The following CEP112 variants were observed in gnomAD, a reference collection of about 807,000 sequenced individuals.
The protein encoded by CEP112 is centrosomal protein 112, also known as centrosomal protein of 112 kDa.
CEP112 carries 127 observed loss-of-function variants against 153.0 expected under a neutral mutation model. The ratio of observed to expected loss-of-function variants is 0.83; its 90% CI spans 0.72 to 0.96. The LOEUF is 0.96. Among genes scored for constraint, CEP112 ranks in the 40% least tolerant of loss-of-function variants. The pLI is 0.00. For missense variants in CEP112, 1,089 were observed against 1,101.2 expected, an observed-to-expected ratio of 0.99 and a Z score of 0.16; for synonymous variants, 358 against 374.4, an observed-to-expected ratio of 0.96 and a Z score of 0.51.
At chr17:65,652,258 CTG>C (rs2143635839) in intron 24 of CEP112, among the ~76,000 whole-genome samples, 1 of 151,946 alleles carries the variant, frequency 6.6e-6, no homozygotes, top group South Asian at 2.1e-4. Flanking sequence ...GATACTGAAA[CTG>C]GGGTATCTGG....
At chr17:65,691,001 G>A (rs147912685) in intron 23 of CEP112, among the ~76,000 whole-genome samples, 6 of 152,232 alleles carry the variant, frequency 3.9e-5, no homozygotes, top group Non-Finnish European at 8.8e-5. Flanking sequence ...GATGGAGAGC[G>A]GGGCCAGGTG....
intron 19 of CEP112, among the ~76,000 whole-genome samples, chr17:65,909,011 G>C (rs1178925994): frequency 6.6e-6 from 1 of 152,180 alleles, no homozygotes; most frequent in Non-Finnish European, 1.5e-5. Flanking sequence ...TGAAATTAGT[G>C]CTAGCAAATA....
At chr17:65,648,591 A>G (rs4791147) in intron 24 of CEP112, among the ~76,000 whole-genome samples, 68,056 of 152,092 alleles carry the variant, frequency 0.45, 15,536 homozygotes, top group Middle Eastern at 0.56. Context: ...ATTTGCATAA[A>G]TAATAGACTA....
chr17:65,826,035 TCTC>T (rs2056822900), intron 21 of CEP112: 2 of 1,153,470 alleles, frequency 1.7e-6, no homozygotes, highest in African/African-American at 3.1e-5. Context: ...TCAAAATTCA[TCTC>T]CTTGAGATGA....
intron 24 of CEP112, among the ~76,000 whole-genome samples, chr17:65,669,431 A>T (rs2046855829): frequency 6.6e-6 from 1 of 152,202 alleles, no homozygotes; most frequent in South Asian, 2.1e-4. Context: ...TAACAATTTG[A>T]GAATCACCAC....
intron 23 of CEP112, among the ~76,000 whole-genome samples, chr17:65,722,192 T>A (rs1356310965): frequency 6.6e-6 from 1 of 152,084 alleles, no homozygotes; most frequent in African/African-American, 2.4e-5. Flanking sequence ...AGATTTTCAT[T>A]TTTGAAGTGG....
intron 17 of CEP112, among the ~76,000 whole-genome samples, chr17:65,963,157 T>G (rs547710659): frequency 6.6e-6 from 1 of 152,176 alleles, no homozygotes; most frequent in East Asian, 1.9e-4. Flanking sequence ...CACACTGCTT[T>G]CCTGATCTTC....
chr17:66,045,619 G>C (rs979770645), intron 12 of CEP112, among the ~76,000 whole-genome samples: 5 of 152,136 alleles, frequency 3.3e-5, no homozygotes, highest in Non-Finnish European at 5.9e-5. Flanking sequence ...GAAAAATACA[G>C]AATATGTTAG....
At chr17:66,187,082 T>C (rs747829272) in intron 1 of CEP112, among the ~76,000 whole-genome samples, 1 of 152,170 alleles carries the variant, frequency 6.6e-6, no homozygotes, top group African/African-American at 2.4e-5. Context: ...CTGAGAAATA[T>C]CTCAAAATCT....
At chr17:65,880,274 TCTTAC>T (rs1157559206) in intron 20 of CEP112, among the ~76,000 whole-genome samples, 2 of 152,208 alleles carry the variant, frequency 1.3e-5, no homozygotes, top group Non-Finnish European at 2.9e-5. Context: ...TGATTTCCAA[TCTTAC>T]CTTATTTTTT....
At chr17:65,726,730 A>G (rs1468599441) in intron 23 of CEP112, among the ~76,000 whole-genome samples, 2 of 152,212 alleles carry the variant, frequency 1.3e-5, no homozygotes, top group African/African-American at 4.8e-5. Flanking sequence ...ATAAAATAAA[A>G]AATGGAAAGT....
chr17:66,166,485 T>C (rs2071963680), intron 4 of CEP112, among the ~76,000 whole-genome samples: 1 of 152,126 alleles, frequency 6.6e-6, no homozygotes, highest in South Asian at 2.1e-4. Context: ...CTACAAGCCA[T>C]TAACAAGAAG....
chr17:66,113,179 T>C (rs1431864709), intron 6 of CEP112, among the ~76,000 whole-genome samples: 1 of 126,398 alleles, frequency 7.9e-6, no homozygotes, highest in Admixed American at 7.2e-5. Context: ...GCAAAGTACA[T>C]GCAATTAAAT....
rs536701660 is a variant in CEP112 at position 66,142,363 on chromosome 17, C to T, written c.471-9600G>A. On this transcript the variant is annotated intron_variant, in intron 4 of 26. Transcript: ENST00000535342. Reference sequence around the variant, plus strand: ...AGGAGATTTTTAAGTTGATAAAATCCCATTTGTCTATCTTTGCTTTAGTTG... The same window carrying T: ...AGGAGATTTTTAAGTTGATAAAATCTCATTTGTCTATCTTTGCTTTAGTTG... 7.9e-5 allele frequency among the ~76,000 whole-genome samples: 12 copies of T among 152,146 alleles called. No individual in the cohort carries two copies. In the South Asian group the frequency reaches 2.3e-3, roughly 29 times the overall value.
intron 6 of CEP112, among the ~76,000 whole-genome samples, chr17:66,129,437 G>A (rs1391471560): frequency 2.0e-5 from 3 of 151,982 alleles, no homozygotes; most frequent in African/African-American, 4.8e-5. Context: ...CACCTCGGGC[G>A]ACTCACATAA....
chr17:66,053,392 C>T (rs191275672), intron 12 of CEP112, among the ~76,000 whole-genome samples: 171 of 152,086 alleles, frequency 1.1e-3, no homozygotes, highest in African/African-American at 3.9e-3. Flanking sequence ...CCCAGCTACT[C>T]AGGAGGATAG....
intron 23 of CEP112, among the ~76,000 whole-genome samples, chr17:65,715,528 G>A (rs1598384314): frequency 6.6e-6 from 1 of 151,792 alleles, no homozygotes; most frequent in South Asian, 2.1e-4. Context: ...TCGGCTCACT[G>A]CAAGCTCCAC....
chr17:66,045,254 G>C (rs992032605), intron 12 of CEP112, among the ~76,000 whole-genome samples: 5 of 151,954 alleles, frequency 3.3e-5, no homozygotes, highest in Non-Finnish European at 7.4e-5. Flanking sequence ...ATTTTTTGTA[G>C]AGATGGGGTC....
chr17:65,674,239 C>A (rs1202660296), intron 24 of CEP112, among the ~76,000 whole-genome samples: 1 of 152,178 alleles, frequency 6.6e-6, no homozygotes, highest in African/African-American at 2.4e-5. Context: ...TAAATGTGAT[C>A]AAGCAATTCA....
Sources: gnomAD v4.1 joint callset for allele counts (sites outside exome capture counted in the v4.1 genomes callset) on GRCh38, gnomAD v4.1.1 for gene constraint, MANE v1.5 for transcripts, NCBI Gene and HGNC (gene_info 2026-07-23, HGNC 2026-07-21) for gene names.